Variants in RNF216 observed in about 807,000 individuals in gnomAD.
RNF216 encodes ring finger protein 216.
In RNF216, 72 loss-of-function variants were observed where a neutral mutation model predicts 110.8. The observed-to-expected ratio is 0.65, with a 90% CI of 0.54 to 0.79. The LOEUF (loss-of-function observed/expected upper bound fraction) is 0.79, where lower values mean the gene tolerates loss of function less well. Ranked by LOEUF, RNF216 falls within the 30% of genes least tolerant of loss-of-function variation. The pLI is 0.00. For missense variants in RNF216, 1,342 were observed against 1,141.2 expected, an observed-to-expected ratio of 1.18 and a Z score of -2.54; for synonymous variants, 495 against 407.5, an observed-to-expected ratio of 1.21 and a Z score of -2.59.
Position 5,736,455 on chromosome 7 carries a change from G to A in RNF216, c.1121+2821C>T, listed in dbSNP as rs535430091. Among the ~76,000 whole-genome samples the A allele has an allele frequency of 2.6e-3, 401 of 152,280 alleles. 3 individuals carry two copies. The highest frequency in any genetic ancestry group is 9.0e-3 in the African/African-American group (373 of 41,560). Reference sequence around the variant, plus strand: ...TGCCCAGGCTGCAGTGCAGTGGCGCGATCTCGGCTCGCTACAACCTCCACC... The same window carrying A: ...TGCCCAGGCTGCAGTGCAGTGGCGCAATCTCGGCTCGCTACAACCTCCACC... On this transcript the variant is annotated intron_variant, in intron 5 of 16. Coordinates refer to ENST00000389902, the MANE Select transcript of RNF216 (RefSeq NM_207111.4).
intron 10 of RNF216, among the ~76,000 whole-genome samples, chr7:5,716,389 A>T (rs1230288774): frequency 6.6e-6 from 1 of 152,092 alleles, no homozygotes; most frequent in Non-Finnish European, 1.5e-5. Context: ...TACATACAGA[A>T]ACCCATCTTG....
In RNF216 at chr7:5,738,707, C is replaced by CAAAAA. The variant is rs71004696; in HGVS notation, c.1121+564_1121+568dup. Among the ~76,000 whole-genome samples, 21 of 70,122 alleles carry CAAAAA rather than the reference C, an allele frequency of 3.0e-4. 1 individual carries two copies. Among genetic ancestry groups the CAAAAA allele is most frequent in the African/African-American group, 1.2e-3 (21 of 17,994 alleles). The allele number at this position is 70,122 out of a possible 152,430, so 46.0% of individuals were successfully genotyped here. A position where few individuals can be genotyped will look rare whatever the true frequency, so the allele number is the denominator to read the frequency against. On this transcript the variant is annotated intron_variant, in intron 5 of 16. Transcript: ENST00000389902. ...TGGGAGACAGAGTGAGACTCCGTCTCAAAAAAAAAAAAAAAAAAAAAAAAA... is the reference window on the plus strand; with the variant it reads ...TGGGAGACAGAGTGAGACTCCGTCTCAAAAAAAAAAAAAAAAAAAAAAAAAAAAAA...
chr7:5,662,974 C>T (rs1333282489), intron 13 of RNF216, among the ~76,000 whole-genome samples: 1 of 152,076 alleles, frequency 6.6e-6, no homozygotes, highest in African/African-American at 2.4e-5. Flanking sequence ...AGCACCCACA[C>T]CCCCTATGCC....
At chr7:5,626,608 T>G (rs1313512875) in intron 15 of RNF216, among the ~76,000 whole-genome samples, 7 of 151,504 alleles carry the variant, frequency 4.6e-5, no homozygotes, top group Non-Finnish European at 1.0e-4. Context: ...TCCCAGCTAC[T>G]TGGCAGTGAT....
chr7:5,698,474 C>CGATATTCTGGGCTCAGGT, intron 13 of RNF216, among the ~76,000 whole-genome samples: 1 of 152,058 alleles, frequency 6.6e-6, no homozygotes, highest in African/African-American at 2.4e-5. Flanking sequence ...ACAGCGGCCT[C>CGATATTCTGGGCTCAGGT]GATCTTCTGG....
intron 13 of RNF216, among the ~76,000 whole-genome samples, chr7:5,661,307 C>G (rs114348622): frequency 0.012 from 1,835 of 152,076 alleles, 36 homozygotes; most frequent in African/African-American, 0.042. Flanking sequence ...CAGCATAGCT[C>G]ATGGCGGTCT....
chr7:5,629,788 C>T (rs970331566), intron 15 of RNF216, among the ~76,000 whole-genome samples: 5 of 133,014 alleles, frequency 3.8e-5, no homozygotes, highest in African/African-American at 1.2e-4. Context: ...GATGGTGCCA[C>T]TGCACTCCAG....
At chr7:5,628,890 T>C (rs1249607486) in intron 15 of RNF216, among the ~76,000 whole-genome samples, 2 of 152,114 alleles carry the variant, frequency 1.3e-5, no homozygotes, top group African/African-American at 2.4e-5. Flanking sequence ...GCATTTGAAA[T>C]TCCTCAAGTC....
At chr7:5,648,738 AAAAG>A (rs1788203709) in intron 14 of RNF216, among the ~76,000 whole-genome samples, 2 of 151,636 alleles carry the variant, frequency 1.3e-5, no homozygotes, top group Admixed American at 6.6e-5. Context: ...AAAAAAAAAA[AAAAG>A]AAAAGAAAAA....
At chr7:5,778,192 C>G (rs1584634142) in intron 1 of RNF216, among the ~76,000 whole-genome samples, 1 of 152,196 alleles carries the variant, frequency 6.6e-6, no homozygotes, top group Non-Finnish European at 1.5e-5. Context: ...CGGGCCTTAC[C>G]TCATACCTTT....
At chr7:5,700,133 G>A (rs1791872633) in intron 13 of RNF216, among the ~76,000 whole-genome samples, 1 of 152,122 alleles carries the variant, frequency 6.6e-6, no homozygotes, top group African/African-American at 2.4e-5. Flanking sequence ...CATGCTTGCG[G>A]TATTACCATA....
intron 1 of RNF216, among the ~76,000 whole-genome samples, chr7:5,765,272 G>A (rs1458633549): frequency 6.6e-6 from 1 of 151,938 alleles, no homozygotes; most frequent in African/African-American, 2.4e-5. Context: ...ACCAGCCTGG[G>A]CAACACAGTG....
chr7:5,659,447 C>G (rs1788959618), intron 13 of RNF216, among the ~76,000 whole-genome samples: 1 of 152,122 alleles, frequency 6.6e-6, no homozygotes, highest in African/African-American at 2.4e-5. Flanking sequence ...GGGTCCGTCT[C>G]ATGCTGAGAA....
chr7:5,701,147 A>G (rs1791943592), intron 13 of RNF216, among the ~76,000 whole-genome samples: 1 of 152,216 alleles, frequency 6.6e-6, no homozygotes, highest in South Asian at 2.1e-4. Context: ...CCCAGGTTGC[A>G]CAGGGCCCTT....
intron 13 of RNF216, among the ~76,000 whole-genome samples, chr7:5,683,262 T>A (rs1562387408): frequency 1.3e-5 from 2 of 150,342 alleles, no homozygotes; most frequent in African/African-American, 4.9e-5. Context: ...GTTTATTCAT[T>A]AAAAAAAAAG....
At chr7:5,652,641 G>A (rs1387007370) in intron 13 of RNF216, 131 bp from the exon 14 acceptor site, 9 of 653,762 alleles carry the variant, frequency 1.4e-5, no homozygotes, top group Admixed American at 2.5e-5. Context: ...CTCCTTTTCA[G>A]GGGGGATATT....
intron 1 of RNF216, among the ~76,000 whole-genome samples, chr7:5,776,259 C>G (rs929605050): frequency 6.6e-6 from 1 of 151,954 alleles, no homozygotes; most frequent in African/African-American, 2.4e-5. Context: ...CTCAGAGTCC[C>G]ATCAATCAGA....
chr7:5,752,461 T>C (rs1243100540), intron 3 of RNF216, among the ~76,000 whole-genome samples: 3 of 152,174 alleles, frequency 2.0e-5, no homozygotes, highest in Non-Finnish European at 2.9e-5. Context: ...TATATCTTTA[T>C]ATTTTGGAAC....
In RNF216 at chr7:5,680,959, G is replaced by A. The variant is rs1343701548; in HGVS notation, c.2062-28449C>T. Among the ~76,000 whole-genome samples, 1 of 152,014 alleles carries A rather than the reference G, an allele frequency of 6.6e-6. No homozygotes were observed. Among genetic ancestry groups the A allele is most frequent in the Non-Finnish European group, 1.5e-5 (1 of 67,998 alleles). On this transcript the variant is annotated intron_variant, in intron 13 of 16. Transcript: ENST00000389902. The surrounding 1 kb of genome is among the most constrained non-coding windows in gnomAD (Gnocchi z 4.3). Reference sequence around the variant, plus strand: ...ACCCAGCCTAGATCCCCTCTGGCTGGGCCATGGCGGAGAGCCTGGACTTCA... The same window carrying A: ...ACCCAGCCTAGATCCCCTCTGGCTGAGCCATGGCGGAGAGCCTGGACTTCA...
Sources: gnomAD v4.1 joint callset for allele counts (sites outside exome capture counted in the v4.1 genomes callset) on GRCh38, gnomAD v4.1.1 for gene constraint, Gnocchi (gnomAD v3.1) non-coding constraint, MANE v1.5 for transcripts, NCBI Gene and HGNC (gene_info 2026-07-23, HGNC 2026-07-21) for gene names.